Variants in HSD17B11 observed in about 807,000 individuals in gnomAD.
HSD17B11 encodes estradiol 17-beta-dehydrogenase 11.
In HSD17B11, 22 loss-of-function variants were observed where a neutral mutation model predicts 27.8. That is an observed-to-expected ratio of 0.79 (90% CI 0.56 to 1.13). HSD17B11 has a LOEUF of 1.13. Among genes scored for constraint, HSD17B11 ranks in the 50% most tolerant of loss-of-function variants. The probability of loss-of-function intolerance (pLI) is 0.00; values close to 1 mark genes in which losing one functional copy is unlikely to be tolerated. For synonymous variants in HSD17B11, 117 were observed against 132.8 expected (o/e 0.88, Z 0.82); for missense variants, 314 against 351.1 (o/e 0.89, Z 0.84).
intron 1 of HSD17B11, among the ~76,000 whole-genome samples, chr4:87,387,728 T>A (rs1651818734): frequency 1.3e-5 from 2 of 152,276 alleles, no homozygotes; most frequent in South Asian, 4.1e-4. Context: ...ACAAATATAT[T>A]TTTTACCCAC....
intron 4 of HSD17B11, among the ~76,000 whole-genome samples, chr4:87,362,489 G>A (rs1208885498): frequency 6.6e-6 from 1 of 152,230 alleles, no homozygotes; most frequent in East Asian, 1.9e-4. Context: ...TTGTGCTGCT[G>A]CACTCCAGCC....
In HSD17B11 at chr4:87,378,573, T is replaced by C. The variant is rs536015267; in HGVS notation, c.318+3682A>G. On this transcript the variant is annotated intron_variant, in intron 2 of 6. Transcript: ENST00000358290. ...CTAACAAAAAATTCTTTATGGCTGC[T>C]CCTTGCAGAGCAGGGCTAACTCACA... is the stretch of plus-strand genomic sequence containing the variant. Among the ~76,000 whole-genome samples, 131 of 150,940 alleles carry C rather than the reference T, an allele frequency of 8.7e-4. 2 individuals are homozygous for C. In the South Asian group the frequency reaches 0.026, roughly 30 times the overall value.
intron 5 of HSD17B11, 116 bp downstream of exon 5, chr4:87,357,163 T>C (rs1735403385): frequency 9.1e-7 from 1 of 1,099,988 alleles, no homozygotes; most frequent in Non-Finnish European, 1.3e-6. Flanking sequence ...GAAATCAAAA[T>C]GAACTAAGAG....
chr4:87,354,209 ATTAAG>A (rs1735337651), intron 5 of HSD17B11, among the ~76,000 whole-genome samples: 2 of 152,164 alleles, frequency 1.3e-5, no homozygotes, highest in South Asian at 2.1e-4. Flanking sequence ...GATGACTTAA[ATTAAG>A]TGTGTTTAAA....
Position 87,370,759 on chromosome 4 carries a change from T to TTTTA in HSD17B11, c.557+1949_557+1950insTAAA, listed in dbSNP as rs1553959713. Among the ~76,000 whole-genome samples the TTTTA allele has an allele frequency of 1.8e-4, 11 of 62,176 alleles. 2 individuals are homozygous for TTTTA. Among genetic ancestry groups the TTTTA allele is most frequent in the African/African-American group, 6.8e-4 (7 of 10,222 alleles). 40.8% of individuals were successfully genotyped at this position (62,176 alleles called of 152,430 possible). A position where few individuals can be genotyped will look rare whatever the true frequency, so the allele number is the denominator to read the frequency against. On this transcript the variant is annotated intron_variant, in intron 4 of 6. Transcript: ENST00000358290. ...ATTATTATTATTATTATTATTATTT[T>TTTTA]TTTTTTTTTTTGAGACGGAGTCTCG...
Position 87,391,155 on chromosome 4 carries a change from C to T in HSD17B11, c.-85G>A, listed in dbSNP as rs1376331031. ...TTTTAGAGGGTAGCTCGATCTAACA[C>T]CAGAAAGAGTAGGGGCGAGAGCAAG... On this transcript the variant is annotated 5_prime_UTR_variant, in exon 1 of 7. The change creates a new upstream start codon in the 5' untranslated region. Coordinates refer to ENST00000358290, the MANE Select transcript of HSD17B11 (RefSeq NM_016245.5). 4 of 977,672 alleles carry T rather than the reference C, an allele frequency of 4.1e-6. No homozygotes were observed. Among genetic ancestry groups the T allele is most frequent in the South Asian group, 3.1e-5 (2 of 64,460 alleles). 60.6% of individuals were successfully genotyped at this position (977,672 alleles called of 1,614,324 possible).
intron 5 of HSD17B11, among the ~76,000 whole-genome samples, chr4:87,354,629 C>A (rs138316505): frequency 6.9e-6 from 1 of 144,516 alleles, no homozygotes; most frequent in Non-Finnish European, 1.5e-5. Context: ...GGTGACAGAG[C>A]GAATCCTTGT....
chr4:87,358,628 T>A (rs926651757), intron 4 of HSD17B11, among the ~76,000 whole-genome samples: 3 of 152,178 alleles, frequency 2.0e-5, no homozygotes, highest in African/African-American at 7.2e-5. Context: ...GTAAAACATG[T>A]CATTTTAACC....
rs144486585 is a variant in HSD17B11 at position 87,385,074 on chromosome 4, A to T, written c.211-2712T>A. 5.2e-3 allele frequency among the ~76,000 whole-genome samples: 797 copies of T among 152,296 alleles called. 8 individuals carry two copies. The highest frequency in any genetic ancestry group is 0.018 in the African/African-American group (752 of 41,546). ...CAGGTTCCCACAATATTTTTCTTTT[A>T]CTGAAATCTCCCTCACAAACTGTAG... is the stretch of plus-strand genomic sequence containing the variant. On this transcript the variant is annotated intron_variant, in intron 1 of 6. Transcript: ENST00000358290.
At chr4:87,388,603 C>T (rs1028197428) in intron 1 of HSD17B11, among the ~76,000 whole-genome samples, 7 of 152,240 alleles carry the variant, frequency 4.6e-5, no homozygotes, top group African/African-American at 1.7e-4. Context: ...ACCCTCCCCA[C>T]CATATAGAGT....
chr4:87,370,752 A>AT (rs1491588184), intron 4 of HSD17B11, among the ~76,000 whole-genome samples: 3,709 of 52,274 alleles, frequency 0.071, 196 homozygotes, highest in East Asian at 0.18. Context: ...TATTATTATT[A>AT]TTATTTTTTT....
chr4:87,357,170 A>C (rs1735403521), intron 5 of HSD17B11, 109 bp downstream of exon 5: 3 of 1,149,132 alleles, frequency 2.6e-6, no homozygotes, highest in Non-Finnish European at 3.6e-6. Flanking sequence ...AAATGAACTA[A>C]GAGCTTTAAC....
chr4:87,337,369 AAAAG>A lies in HSD17B11; in HGVS notation c.813-7_813-4del. The A allele has an allele frequency of 6.6e-7, 1 of 1,509,258 alleles. No individual in the cohort carries two copies. Among genetic ancestry groups the A allele is most frequent in the South Asian group, 1.2e-5 (1 of 86,946 alleles). 93.5% of individuals were successfully genotyped at this position (1,509,258 alleles called of 1,614,324 possible). A position where few individuals can be genotyped will look rare whatever the true frequency, so the allele number is the denominator to read the frequency against. ...CCAGGAAACGCTCAGGAAGGATCCT[AAAAG>A]AAAGATATATGCAAATAATTAGAAA... is the stretch of plus-strand genomic sequence containing the variant. On this transcript the variant is annotated splice_region_variant and splice_polypyrimidine_tract_variant and intron_variant, in intron 6 of 6. Coordinates refer to ENST00000358290, the MANE Select transcript of HSD17B11 (RefSeq NM_016245.5).
At chr4:87,383,474 AT>A (rs1720225220) in intron 1 of HSD17B11, among the ~76,000 whole-genome samples, 1 of 152,184 alleles carries the variant, frequency 6.6e-6, no homozygotes, top group Non-Finnish European at 1.5e-5. Flanking sequence ...ATCCTTTAAA[AT>A]ATATGTTTAG....
chr4:87,345,323 A>G (rs986788152), intron 5 of HSD17B11: 1 of 152,174 alleles, frequency 6.6e-6, no homozygotes, highest in African/African-American at 2.4e-5. Context: ...AGCAGTGCTC[A>G]GAGGCAAATT....
At chr4:87,357,629 C>T (rs1461511622) in intron 4 of HSD17B11, among the ~76,000 whole-genome samples, 1 of 152,226 alleles carries the variant, frequency 6.6e-6, no homozygotes, top group African/African-American at 2.4e-5. Flanking sequence ...AGAAGATTTA[C>T]TGCATCTTAG....
chr4:87,341,190 G>A (rs2110112035), intron 5 of HSD17B11, among the ~76,000 whole-genome samples: 1 of 151,516 alleles, frequency 6.6e-6, no homozygotes, highest in Middle Eastern at 3.4e-3. Context: ...TTGTTTTTTT[G>A]AGGCAGGGTC....
chr4:87,337,296 A>G lies in HSD17B11; in HGVS notation c.883T>C (p.Tyr295His), dbSNP rs1324539397. The G allele has an allele frequency of 1.2e-6, 2 of 1,604,180 alleles. No individual in the cohort carries two copies. The highest frequency in any genetic ancestry group is 1.7e-6 in the Non-Finnish European group (2 of 1,171,948). ...GGTGCTTATTGCGCTTTCATTTTAT[A>G]TCCAATAACTGCATCAAACTTAACA... ...ISVKFDAVIGYKMKAQ is the reference protein window; with the variant it reads ...ISVKFDAVIGHKMKAQ Residue 295 changes from tyrosine (Y) to histidine (H), a missense_variant, in exon 7 of 7, where the codon TAT becomes CAT. Physicochemically the swap from Tyr to His is moderately conservative, Grantham distance 83. Transcript: ENST00000358290.
chr4:87,359,786 CAA>C (rs1474798705), intron 4 of HSD17B11, among the ~76,000 whole-genome samples: 1 of 152,122 alleles, frequency 6.6e-6, no homozygotes, highest in Non-Finnish European at 1.5e-5. Context: ...AGATACAAAA[CAA>C]AGTGGCAGAA....
Sources: allele counts gnomAD v4.1 joint callset (sites outside exome capture counted in the v4.1 genomes callset), GRCh38; gene constraint gnomAD v4.1.1; transcripts MANE v1.5; gene names NCBI Gene and HGNC (gene_info 2026-07-23, HGNC 2026-07-21).